The following TRAPPC6B variants were observed in gnomAD, a reference collection of about 807,000 sequenced individuals.
The protein encoded by TRAPPC6B is trafficking protein particle complex subunit 6B.
In TRAPPC6B, 27 loss-of-function variants were observed where a neutral mutation model predicts 24.7. The ratio of observed to expected loss-of-function variants is 1.09; its 90% CI spans 0.81 to 1.51. The LOEUF (loss-of-function observed/expected upper bound fraction) is 1.51. TRAPPC6B is among the 40% of genes most tolerant of loss of function. The pLI is 0.00. For synonymous variants in TRAPPC6B, 80 were observed against 66.6 expected, an observed-to-expected ratio of 1.20 and a Z score of -0.98; for missense variants, 212 against 190.8, an observed-to-expected ratio of 1.11 and a Z score of -0.66.
chr14:39,152,501 G>C (rs1383902502), intron 4 of TRAPPC6B, among the ~76,000 whole-genome samples: 3 of 152,120 alleles, frequency 2.0e-5, no homozygotes, highest in Non-Finnish European at 4.4e-5. Flanking sequence ...GGGAATTTTT[G>C]ATTACCCACA....
chr14:39,148,944 C>T lies in TRAPPC6B; in HGVS notation c.*1406G>A. On this transcript the variant is annotated 3_prime_UTR_variant, in exon 6 of 6. Coordinates refer to ENST00000330149, the MANE Select transcript of TRAPPC6B (RefSeq NM_001079537.2). The stretch of plus-strand genomic sequence containing the variant: ...TATTATTGTAGTGAATACTGTAGGA[C>T]ACTGTAACACAATGGTAAGTACTTG... 1 of 391,544 alleles carries T rather than the reference C, an allele frequency of 2.6e-6. No individual in the cohort carries two copies. The highest frequency in any genetic ancestry group is 4.5e-6 in the Non-Finnish European group (1 of 222,470). The allele number at this position is 391,544 out of a possible 1,614,324, so 24.3% of individuals were successfully genotyped here.
At chr14:39,156,291 T>A (rs905403547) in intron 3 of TRAPPC6B, among the ~76,000 whole-genome samples, 1 of 152,130 alleles carries the variant, frequency 6.6e-6, no homozygotes, top group African/African-American at 2.4e-5. Context: ...TTGAGACCAG[T>A]CTGGAAAACA....
intron 5 of TRAPPC6B, among the ~76,000 whole-genome samples, chr14:39,151,159 AG>A (rs2052907131): frequency 6.6e-6 from 1 of 152,088 alleles, no homozygotes; most frequent in Non-Finnish European, 1.5e-5. Context: ...TGGGAGGCCG[AG>A]GCAGACGGAT....
chr14:39,158,922 C>CT (rs1444006618), intron 2 of TRAPPC6B: 1 of 152,336 alleles, frequency 6.6e-6, no homozygotes. Context: ...TCAAATTAGT[C>CT]TAACATTATA....
intron 3 of TRAPPC6B, 95 bp from the exon 4 acceptor site, chr14:39,154,389 G>A (rs978425683): frequency 2.5e-6 from 2 of 790,324 alleles, no homozygotes; most frequent in African/African-American, 1.8e-5. Context: ...GTTTTTTAAA[G>A]TTATTAAAAG....
Position 39,170,214 on chromosome 14 carries a change from C to A in TRAPPC6B, c.-119G>T. 1 of 918,782 alleles carries A rather than the reference C, an allele frequency of 1.1e-6. No individual in the cohort carries two copies. 56.9% of individuals were successfully genotyped at this position (918,782 alleles called of 1,614,324 possible). A position where few individuals can be genotyped will look rare whatever the true frequency, so the allele number is the denominator to read the frequency against. ...GGCTCCGTCAGGCCGCCATTCTATC[C>A]CTGTGGCTAAGAGACCGAGGTATTC... On this transcript the variant is annotated 5_prime_UTR_variant, in exon 1 of 6. Transcript: ENST00000330149.
chr14:39,167,371 T>C (rs892562708), intron 1 of TRAPPC6B, among the ~76,000 whole-genome samples: 4 of 152,110 alleles, frequency 2.6e-5, no homozygotes, highest in African/African-American at 9.7e-5. Flanking sequence ...TGAAAATTTA[T>C]AAAACTTTAT....
At chr14:39,151,705 A>C in intron 5 of TRAPPC6B, 41 bp downstream of exon 5, 1 of 1,441,716 alleles carries the variant, frequency 6.9e-7, no homozygotes. Flanking sequence ...ACCTGAAAAC[A>C]AATTACTAAA....
At chr14:39,158,624 C>A in intron 2 of TRAPPC6B, 1 of 417,196 alleles carries the variant, frequency 2.4e-6, no homozygotes. Context: ...CAGGCTCAAG[C>A]TATCCTCCCA....
chr14:39,154,353 T>C (rs1257632281), intron 3 of TRAPPC6B, 59 bp from the exon 4 acceptor site: 2 of 1,009,976 alleles, frequency 2.0e-6, no homozygotes, highest in African/African-American at 1.6e-5. Context: ...CTTAAAATTA[T>C]TTTATTCTTA....
intron 4 of TRAPPC6B, among the ~76,000 whole-genome samples, chr14:39,152,926 G>T (rs144105193): frequency 0.03 from 4,535 of 151,920 alleles, 234 homozygotes; most frequent in African/African-American, 0.1. Context: ...CAGCACTTTG[G>T]GAGGCTGTAA....
In TRAPPC6B at chr14:39,169,934, G is replaced by C; in HGVS notation, c.81+81C>G. 2.1e-6 allele frequency: 3 copies of C among 1,436,686 alleles called. No homozygotes were observed. In the South Asian group the frequency reaches 3.5e-5, roughly 17 times the overall value. 89.0% of individuals were successfully genotyped at this position (1,436,686 alleles called of 1,614,324 possible). On this transcript the variant is annotated intron_variant, in intron 1 of 5. Coordinates refer to ENST00000330149, the MANE Select transcript of TRAPPC6B (RefSeq NM_001079537.2). ...CTCGGGAGGCGTCGGGTGGCGATGG[G>C]ACAGGGGTTGAAGGAAAGCACTGAG...
At chr14:39,159,140 C>A (rs1447660125) in intron 2 of TRAPPC6B, 1 of 158,688 alleles carries the variant, frequency 6.3e-6, no homozygotes, top group Non-Finnish European at 1.4e-5. Context: ...AACCTATGTA[C>A]TTAAAAATTC....
intron 1 of TRAPPC6B, among the ~76,000 whole-genome samples, chr14:39,168,901 T>G (rs149518879): frequency 1.4e-4 from 21 of 152,318 alleles, no homozygotes; most frequent in African/African-American, 4.8e-4. Context: ...ATGCAAATGG[T>G]CCACATCATT....
intron 3 of TRAPPC6B, 150 bp downstream of exon 3, chr14:39,158,135 T>A: frequency 1.8e-6 from 1 of 564,886 alleles, no homozygotes; most frequent in East Asian, 3.1e-5. Context: ...GTTCACACTA[T>A]TAGAAGAAAA....
Position 39,153,795 on chromosome 14 carries a change from C to G in TRAPPC6B, c.351+416G>C, listed in dbSNP as rs79752637. Among the ~76,000 whole-genome samples, 570 of 151,140 alleles carry G rather than the reference C, an allele frequency of 3.8e-3. 22 individuals are homozygous for G. The East Asian group carries it at 0.089, about 24-fold the overall frequency. Reference sequence around the variant, plus strand: ...TCTCAGCTCACTGCAACTTCTGCCTCCCGGGTTCAAGTGATTCTCCTGCCT... The same window carrying G: ...TCTCAGCTCACTGCAACTTCTGCCTGCCGGGTTCAAGTGATTCTCCTGCCT... On this transcript the variant is annotated intron_variant, in intron 4 of 5. Coordinates refer to ENST00000330149, the MANE Select transcript of TRAPPC6B (RefSeq NM_001079537.2).
chr14:39,152,247 T>C (rs147459056), intron 4 of TRAPPC6B, among the ~76,000 whole-genome samples: 23 of 152,338 alleles, frequency 1.5e-4, no homozygotes, highest in African/African-American at 5.3e-4. Context: ...CCCCTGGTTA[T>C]TGCCTATTCT....
chr14:39,158,266 C>A lies in TRAPPC6B; in HGVS notation c.267+19G>T. The A allele has an allele frequency of 1.5e-6, 2 of 1,295,872 alleles. No homozygotes were observed. The highest frequency in any genetic ancestry group is 2.3e-5 in the East Asian group (1 of 42,728). 80.3% of individuals were successfully genotyped at this position (1,295,872 alleles called of 1,614,324 possible). On this transcript the variant is annotated intron_variant, in intron 3 of 5. Coordinates refer to ENST00000330149, the MANE Select transcript of TRAPPC6B (RefSeq NM_001079537.2). ...AAGTTAAAGGACTTTAAAATATAGG[C>A]CTTAATTAATTTAATTACCTGATGA... is the stretch of plus-strand genomic sequence containing the variant.
rs187269543 is a variant in TRAPPC6B, at chr14:39,167,334, G to A, written c.81+2681C>T. Reference sequence around the variant, plus strand: ...GTTTCTTTCTTTTATCTCACCTCAAGTCTTATGGAAGTTTATTTTGCTATA... The same window carrying A: ...GTTTCTTTCTTTTATCTCACCTCAAATCTTATGGAAGTTTATTTTGCTATA... On this transcript the variant is annotated intron_variant, in intron 1 of 5. Coordinates refer to ENST00000330149, the MANE Select transcript of TRAPPC6B (RefSeq NM_001079537.2). 1.5e-3 allele frequency among the ~76,000 whole-genome samples: 235 copies of A among 152,008 alleles called. 1 individual carries two copies. Among genetic ancestry groups the A allele is most frequent in the African/African-American group, 5.2e-3 (216 of 41,430 alleles).
Sources: gnomAD v4.1 joint callset for allele counts (sites outside exome capture counted in the v4.1 genomes callset) on GRCh38, gnomAD v4.1.1 for gene constraint, MANE v1.5 for transcripts, NCBI Gene and HGNC (gene_info 2026-07-23, HGNC 2026-07-21) for gene names.